NR3C2: variants seen among roughly 807,000 people sequenced by gnomAD.
NR3C2 encodes the protein mineralocorticoid receptor.
Under a neutral mutation model 86.4 loss-of-function variants are expected in NR3C2, and 15 were observed. The observed-to-expected ratio is 0.17, with a 90% CI of 0.12 to 0.27. NR3C2 has a LOEUF of 0.27. Among genes scored for constraint, NR3C2 ranks in the 10% least tolerant of loss-of-function variants. The pLI is 1.00. For synonymous variants in NR3C2, 458 were observed against 450.5 expected (o/e 1.02, Z -0.21); for missense variants, 960 against 1,195.6 (o/e 0.80, Z 2.91).
chr4:148,174,476 A>T (rs1027210959), intron 4 of NR3C2, among the ~76,000 whole-genome samples: 31 of 152,152 alleles, frequency 2.0e-4, no homozygotes, highest in African/African-American at 7.5e-4. Context: ...GAACACATCT[A>T]CTTGGGGGCC....
chr4:148,373,577 C>T (rs574100718), intron 2 of NR3C2, among the ~76,000 whole-genome samples: 18 of 150,218 alleles, frequency 1.2e-4, no homozygotes, highest in African/African-American at 3.9e-4. Flanking sequence ...CAGGTTCAAG[C>T]GATTATCCAG....
chr4:148,278,684 A>G (rs1741084175), intron 2 of NR3C2, among the ~76,000 whole-genome samples: 1 of 152,168 alleles, frequency 6.6e-6, no homozygotes, highest in Non-Finnish European at 1.5e-5. Flanking sequence ...CTCAGTTTTT[A>G]TGGCTTTGTC....
At chr4:148,324,040 T>C (rs1743811143) in intron 2 of NR3C2, among the ~76,000 whole-genome samples, 1 of 152,146 alleles carries the variant, frequency 6.6e-6, no homozygotes, top group Non-Finnish European at 1.5e-5. Context: ...CAAATCTAAA[T>C]CCTGGTGCAA....
At chr4:148,211,552 A>G (rs1054477149) in intron 3 of NR3C2, among the ~76,000 whole-genome samples, 1 of 152,244 alleles carries the variant, frequency 6.6e-6, no homozygotes, top group Non-Finnish European at 1.5e-5. Flanking sequence ...TACAAGTAAT[A>G]TTTTAAGTCA....
At chr4:148,256,742 A>C (rs1215935398) in intron 3 of NR3C2, among the ~76,000 whole-genome samples, 1 of 152,242 alleles carries the variant, frequency 6.6e-6, no homozygotes, top group Non-Finnish European at 1.5e-5. Context: ...ATTCAAATTT[A>C]AAATGAACGT....
At chr4:148,322,051 G>A (rs370107040) in intron 2 of NR3C2, among the ~76,000 whole-genome samples, 10,374 of 152,114 alleles carry the variant, frequency 0.068, 540 homozygotes, top group African/African-American at 0.15. Flanking sequence ...GCTTCCTTCA[G>A]GAGCTCTTTT....
At chr4:148,268,544 T>C (rs1045283020) in intron 2 of NR3C2, among the ~76,000 whole-genome samples, 6 of 152,216 alleles carry the variant, frequency 3.9e-5, no homozygotes, top group Admixed American at 3.3e-4. Context: ...TAATTAAAAA[T>C]ACCTTGGAAA....
Position 148,395,497 on chromosome 4 carries a change from T to G in NR3C2, c.1757+39607A>C, listed in dbSNP as rs1209306750. Among the ~76,000 whole-genome samples, 3 of 152,272 alleles carry G rather than the reference T, an allele frequency of 2.0e-5. No homozygotes were observed. The East Asian group carries it at 5.8e-4, about 29-fold the overall frequency. Reference sequence around the variant, plus strand: ...ATCCTAACCTGAACAGATGCACTTCTCAAAAGAAAAGGACTGAAGCAAATG... The same window carrying G: ...ATCCTAACCTGAACAGATGCACTTCGCAAAAGAAAAGGACTGAAGCAAATG... On this transcript the variant is annotated intron_variant, in intron 2 of 8. Coordinates refer to ENST00000358102, the MANE Select transcript of NR3C2 (RefSeq NM_000901.5).
intron 3 of NR3C2, among the ~76,000 whole-genome samples, chr4:148,234,053 A>G (rs1259134900): frequency 6.6e-6 from 1 of 152,154 alleles, no homozygotes; most frequent in Non-Finnish European, 1.5e-5. Context: ...GCCTATATCT[A>G]AAGATCATTG....
At chr4:148,257,526 T>C (rs771954229) in intron 3 of NR3C2, among the ~76,000 whole-genome samples, 4 of 152,178 alleles carry the variant, frequency 2.6e-5, no homozygotes, top group Non-Finnish European at 2.9e-5. Flanking sequence ...GGATTAGGAA[T>C]AGATTGGGTG....
Position 148,260,106 on chromosome 4 carries a change from C to T in NR3C2, c.1769G>A (p.Arg590Gln), listed in dbSNP as rs552665133. ...TCTTGAAGATCCAGTAGAAACACTT[C>T]GTAAAGTAGAGCTGGGGAAAGAAAT... ...IPENVSSSTL[R>Q]SVSTGSSRPS... The change falls in exon 3 of 9, where the codon CGA (arginine) becomes CAA (glutamine). Residue 590 changes from arginine to glutamine, a missense_variant. Physicochemically the swap from Arg to Gln is conservative, Grantham distance 43 (BLOSUM62 1). This residue lies in a region of NR3C2 where 680 missense variants were observed against 719.0 expected (regional missense o/e 0.95). Coordinates refer to ENST00000358102, the MANE Select transcript of NR3C2 (RefSeq NM_000901.5). 34 of 1,613,946 alleles carry T rather than the reference C, an allele frequency of 2.1e-5. No individual in the cohort carries two copies. The highest frequency in any genetic ancestry group is 2.7e-5 in the Non-Finnish European group (32 of 1,179,966).
At chr4:148,318,595 G>A (rs920387102) in intron 2 of NR3C2, among the ~76,000 whole-genome samples, 1 of 152,086 alleles carries the variant, frequency 6.6e-6, no homozygotes, top group Non-Finnish European at 1.5e-5. Context: ...ATATCTCATT[G>A]TGGTTTTGAT....
At chr4:148,219,925 A>T (rs941832140) in intron 3 of NR3C2, among the ~76,000 whole-genome samples, 2 of 152,028 alleles carry the variant, frequency 1.3e-5, no homozygotes, top group Non-Finnish European at 2.9e-5. Context: ...GATTTTCAAT[A>T]ATTTTTTCTT....
chr4:148,265,731 C>CTTAG (rs2065573778), intron 2 of NR3C2, among the ~76,000 whole-genome samples: 1 of 152,162 alleles, frequency 6.6e-6, no homozygotes, highest in Non-Finnish European at 1.5e-5. Flanking sequence ...ATTCACCTAT[C>CTTAG]TTAGAGCACA....
chr4:148,421,366 C>T (rs1166337484), intron 2 of NR3C2, among the ~76,000 whole-genome samples: 1 of 152,152 alleles, frequency 6.6e-6, no homozygotes, highest in African/African-American at 2.4e-5. Context: ...ACTGGTATTT[C>T]ACATAGCAGT....
chr4:148,136,056 C>CAAAAAAAAAAAAAAAAAA (rs199716496), intron 6 of NR3C2, among the ~76,000 whole-genome samples: 14 of 71,198 alleles, frequency 2.0e-4, no homozygotes, highest in African/African-American at 6.7e-4. Context: ...GACTCCGTCT[C>CAAAAAAAAAAAAAAAAAA]AAAAAAAAAA....
At chr4:148,293,357 C>G (rs1741887372) in intron 2 of NR3C2, among the ~76,000 whole-genome samples, 1 of 152,132 alleles carries the variant, frequency 6.6e-6, no homozygotes, top group African/African-American at 2.4e-5. Context: ...CAGAATCAAC[C>G]ACGTTAAAGG....
At chr4:148,130,142 T>C (rs922077720) in intron 6 of NR3C2, among the ~76,000 whole-genome samples, 6 of 152,192 alleles carry the variant, frequency 3.9e-5, no homozygotes, top group Non-Finnish European at 7.4e-5. Context: ...AAACTGTGAT[T>C]TCAAAAAGTC....
intron 2 of NR3C2, among the ~76,000 whole-genome samples, chr4:148,343,676 C>A (rs1208494472): frequency 6.6e-6 from 1 of 151,928 alleles, no homozygotes; most frequent in Non-Finnish European, 1.5e-5. Flanking sequence ...ACTAAACTCC[C>A]CCTAAGAATC....
Sources: allele counts gnomAD v4.1 joint callset (sites outside exome capture counted in the v4.1 genomes callset), GRCh38; gene constraint gnomAD v4.1.1; regional missense constraint gnomAD v4.1.1; transcripts MANE v1.5; gene names NCBI Gene and HGNC (gene_info 2026-07-23, HGNC 2026-07-21).